FOXP4: variants seen among roughly 807,000 people sequenced by gnomAD.
FOXP4 encodes the protein forkhead box P4.
A neutral mutation model predicts 82.6 loss-of-function variants in FOXP4; 25 were observed. The ratio of observed to expected loss-of-function variants is 0.30; its 90% CI spans 0.22 to 0.42. The LOEUF is 0.42. Among genes scored for constraint, FOXP4 ranks in the 10% least tolerant of loss-of-function variants. The pLI is 1.00. For synonymous variants in FOXP4, 415 were observed against 388.2 expected, an observed-to-expected ratio of 1.07 and a Z score of -0.81; for missense variants, 785 against 900.9, an observed-to-expected ratio of 0.87 and a Z score of 1.65.
At chr6:41,572,315 G>GC (rs1462911851) in intron 2 of FOXP4, among the ~76,000 whole-genome samples, 1 of 152,114 alleles carries the variant, frequency 6.6e-6, no homozygotes. Context: ...GAGCCAGCCA[G>GC]CCAGCCAGCC....
rs1491504543 is a variant in FOXP4 at position 41,602,215 on chromosome 6, TCA to T, written c.*3280_*3281del. 4 of 152,150 alleles carry T rather than the reference TCA, an allele frequency of 2.6e-5. No homozygotes were observed. Among genetic ancestry groups the T allele is most frequent in the African/African-American group, 4.8e-5 (2 of 41,426 alleles). 9.4% of individuals were successfully genotyped at this position (152,150 alleles called of 1,614,324 possible). A position where few individuals can be genotyped will look rare whatever the true frequency, so the allele number is the denominator to read the frequency against. On this transcript the variant is annotated 3_prime_UTR_variant, in exon 17 of 17. Transcript: ENST00000307972. ...AGGGGCTGGGGAGCTCAGCTTGGTCTCAGAGTCTCCCCACCAGATACTGTTTA... is the reference window on the plus strand; with the variant it reads ...AGGGGCTGGGGAGCTCAGCTTGGTCTGAGTCTCCCCACCAGATACTGTTTA...
intron 2 of FOXP4, among the ~76,000 whole-genome samples, chr6:41,571,622 G>T (rs550646484): frequency 3.4e-4 from 52 of 152,246 alleles, no homozygotes; most frequent in Middle Eastern, 3.4e-3. Context: ...AGAATGCGCC[G>T]ATGTCATTTT....
intron 14 of FOXP4, among the ~76,000 whole-genome samples, chr6:41,595,268 CAG>C (rs1386803443): frequency 7.9e-5 from 12 of 152,356 alleles, no homozygotes; most frequent in Admixed American, 6.5e-4. Context: ...CAAAGAGAGA[CAG>C]GGGCCCCAAG....
rs1410363676 is a variant in FOXP4 at position 41,599,164 on chromosome 6, G to A, written c.*228G>A. ...CTGGTCTTGGACCAGTAGAGGACAC[G>A]GAGGGTTCAGACCCCTCCTCAGACC... On this transcript the variant is annotated 3_prime_UTR_variant, in exon 17 of 17. Transcript: ENST00000307972. The A allele has an allele frequency of 1.3e-5, 7 of 534,724 alleles. No homozygotes were observed. The highest frequency in any genetic ancestry group is 8.4e-5 in the South Asian group (3 of 35,694). 33.1% of individuals were successfully genotyped at this position (534,724 alleles called of 1,614,324 possible). A position where few individuals can be genotyped will look rare whatever the true frequency, so the allele number is the denominator to read the frequency against.
intron 1 of FOXP4, among the ~76,000 whole-genome samples, chr6:41,562,438 T>C (rs1764637746): frequency 6.6e-6 from 1 of 152,152 alleles, no homozygotes; most frequent in Admixed American, 6.5e-5. Context: ...ATAGCTATTA[T>C]TATACACCAC....
intron 13 of FOXP4, among the ~76,000 whole-genome samples, chr6:41,594,631 G>A (rs1443753868): frequency 1.3e-5 from 2 of 152,196 alleles, no homozygotes; most frequent in Non-Finnish European, 2.9e-5. Context: ...GAGAGAGGAG[G>A]CAGCTAATAA....
At chr6:41,555,859 A>G (rs1369690200) in intron 1 of FOXP4, among the ~76,000 whole-genome samples, 1 of 152,206 alleles carries the variant, frequency 6.6e-6, no homozygotes, top group Non-Finnish European at 1.5e-5. Context: ...AGCAGGGACT[A>G]ATTAGAAGCT....
At chr6:41,589,911 C>A in intron 10 of FOXP4, 52 bp from the exon 11 acceptor site, 1 of 1,610,562 alleles carries the variant, frequency 6.2e-7, no homozygotes. Flanking sequence ...CCTGGAGCCT[C>A]GGGACCCCCA....
Position 41,597,218 on chromosome 6 carries a change from T to C in FOXP4, c.1701T>C (p.Tyr567=), listed in dbSNP as rs368383079. Residue 567 remains tyrosine, a synonymous_variant, in exon 15 of 17, where the codon TAT becomes TAC. Coordinates refer to ENST00000307972, the MANE Select transcript of FOXP4 (RefSeq NM_001012426.2). ...AGAACATGATCTCTGGCCTCAGCTA[T>C]GGAGCACTTAATGCCAGCTACCAGG... ...LVKNMISGLS[Y]GALNASYQAA... The C allele has an allele frequency of 1.2e-5, 19 of 1,614,146 alleles. No homozygotes were observed. The African/African-American group carries it at 2.3e-4, about 19-fold the overall frequency.
At chr6:41,557,012 C>G (rs143747456) in intron 1 of FOXP4, among the ~76,000 whole-genome samples, 1 of 152,310 alleles carries the variant, frequency 6.6e-6, no homozygotes, top group African/African-American at 2.4e-5. Flanking sequence ...TCTTTCTCCT[C>G]TCTCCATTTC....
In FOXP4 at chr6:41,585,423, C is replaced by T. The variant is rs369724251; in HGVS notation, c.424-8C>T. On this transcript the variant is annotated splice_polypyrimidine_tract_variant and splice_region_variant and intron_variant, in intron 4 of 16. Coordinates refer to ENST00000307972, the MANE Select transcript of FOXP4 (RefSeq NM_001012426.2). ...CCTGCCAGTGGTAACCCTCCTCCAC[C>T]CCCCCAGCTACAGGAGTACTACAAG... 10 of 1,613,120 alleles carry T rather than the reference C, an allele frequency of 6.2e-6. No homozygotes were observed. In the Admixed American group the frequency reaches 6.7e-5, roughly 11 times the overall value.
intron 13 of FOXP4, among the ~76,000 whole-genome samples, chr6:41,594,135 A>G (rs771315964): frequency 6.6e-6 from 1 of 152,196 alleles, no homozygotes; most frequent in South Asian, 2.1e-4. Flanking sequence ...CAAGCGTCCT[A>G]CAAACCAGAT....
intron 9 of FOXP4, among the ~76,000 whole-genome samples, chr6:41,589,361 G>T (rs1296812576): frequency 6.6e-6 from 1 of 152,228 alleles, no homozygotes; most frequent in Non-Finnish European, 1.5e-5. Context: ...TATGAATGGG[G>T]TGTCTGAGCC....
intron 9 of FOXP4, 47 bp downstream of exon 9, chr6:41,588,778 C>G (rs776943125): frequency 1.2e-6 from 2 of 1,600,976 alleles, no homozygotes; most frequent in Non-Finnish European, 1.7e-6. Flanking sequence ...GCTCCAGCCC[C>G]TGCCCACCCA....
intron 16 of FOXP4, 118 bp from the exon 17 acceptor site, chr6:41,598,671 T>C (rs1472441228): frequency 6.2e-6 from 9 of 1,442,500 alleles, no homozygotes; most frequent in Non-Finnish European, 8.5e-6. Context: ...GATGGGATCC[T>C]GGGGAGGGGG....
At chr6:41,547,203 G>A (rs1205032401) in intron 1 of FOXP4, among the ~76,000 whole-genome samples, 1 of 151,934 alleles carries the variant, frequency 6.6e-6, no homozygotes, top group South Asian at 2.1e-4. Context: ...GGAGGGGGGC[G>A]GCCGGAGAGG....
chr6:41,577,057 A>G (rs1765526728), intron 2 of FOXP4, among the ~76,000 whole-genome samples: 1 of 151,970 alleles, frequency 6.6e-6, no homozygotes. Flanking sequence ...CACTCCTACC[A>G]GACGTCTCAC....
intron 15 of FOXP4, 137 bp from the exon 16 acceptor site, chr6:41,597,644 G>T (rs981565952): frequency 9.0e-7 from 1 of 1,113,844 alleles, no homozygotes. Context: ...CTTGGGGGTT[G>T]CCCAGACAGA....
At chr6:41,585,350 C>T in intron 4 of FOXP4, 81 bp from the exon 5 acceptor site, 1 of 1,413,644 alleles carries the variant, frequency 7.1e-7, no homozygotes, top group Middle Eastern at 2.0e-4. Context: ...TTCTCCTGCC[C>T]CCAGGAGCCC....
Sources: allele counts gnomAD v4.1 joint callset (sites outside exome capture counted in the v4.1 genomes callset), GRCh38; gene constraint gnomAD v4.1.1; transcripts MANE v1.5; gene names NCBI Gene and HGNC (gene_info 2026-07-23, HGNC 2026-07-21).